The following SWAP70 variants were observed in gnomAD, a reference collection of about 807,000 sequenced individuals.
The protein encoded by SWAP70 is switch-associated protein 70.
A neutral mutation model predicts 80.2 loss-of-function variants in SWAP70; 34 were observed. That is an observed-to-expected ratio of 0.42 (90% CI 0.32 to 0.56). The LOEUF (loss-of-function observed/expected upper bound fraction) is 0.56, where lower values mean the gene tolerates loss of function less well. SWAP70 is among the 20% of genes least tolerant of loss of function. The pLI, the probability that SWAP70 is intolerant of heterozygous loss-of-function variation, is 0.09. For synonymous variants in SWAP70, 239 were observed against 238.5 expected (o/e 1.00, Z -0.02); for missense variants, 578 against 690.7 (o/e 0.84, Z 1.83).
intron 2 of SWAP70, among the ~76,000 whole-genome samples, chr11:9,701,871 G>A (rs891727965): frequency 6.6e-6 from 1 of 152,118 alleles, no homozygotes; most frequent in Non-Finnish European, 1.5e-5. Context: ...TTTAATGGCT[G>A]ATTAGGCTTG....
intron 9 of SWAP70, chr11:9,741,444 G>T (rs1851436718): frequency 6.6e-6 from 1 of 152,112 alleles, no homozygotes; most frequent in African/African-American, 2.4e-5. Context: ...AGTGCCACTC[G>T]GCAGTGATTT....
intron 1 of SWAP70, among the ~76,000 whole-genome samples, chr11:9,670,714 A>T (rs572937271): frequency 1.3e-5 from 2 of 152,070 alleles, no homozygotes; most frequent in African/African-American, 2.4e-5. Flanking sequence ...ACATGGTCTC[A>T]TACCTTTGAG....
At chr11:9,707,415 T>A in intron 2 of SWAP70, among the ~76,000 whole-genome samples, 1 of 133,302 alleles carries the variant, frequency 7.5e-6, no homozygotes, top group South Asian at 2.3e-4. Flanking sequence ...CATGCTGTAT[T>A]TGTCTTTTTT....
chr11:9,715,103 T>C (rs558206744), intron 3 of SWAP70, among the ~76,000 whole-genome samples: 4 of 151,196 alleles, frequency 2.6e-5, no homozygotes, highest in Non-Finnish European at 5.9e-5. Flanking sequence ...GCCTACTGAG[T>C]AGCTGGGACT....
chr11:9,726,763 T>C, intron 4 of SWAP70: 1 of 399,282 alleles, frequency 2.5e-6, no homozygotes, highest in Non-Finnish European at 5.0e-6. Flanking sequence ...CCTATAATAA[T>C]GTATAATTTT....
chr11:9,707,590 C>T (rs532569764), intron 2 of SWAP70, among the ~76,000 whole-genome samples: 15 of 144,100 alleles, frequency 1.0e-4, no homozygotes, highest in Non-Finnish European at 2.1e-4. Context: ...GAGTCTCACC[C>T]TGTCGCTCAG....
intron 3 of SWAP70, among the ~76,000 whole-genome samples, chr11:9,721,640 T>C (rs1344617199): frequency 6.6e-6 from 1 of 151,958 alleles, no homozygotes; most frequent in Non-Finnish European, 1.5e-5. Flanking sequence ...CCTGGCTAAC[T>C]TTTTAATTTT....
chr11:9,719,517 C>A (rs971400408), intron 3 of SWAP70, among the ~76,000 whole-genome samples: 19 of 150,698 alleles, frequency 1.3e-4, no homozygotes, highest in Non-Finnish European at 1.3e-4. Context: ...CACTGGGCAA[C>A]AAAGCGAGAC....
At chr11:9,671,428 A>T (rs1224296304) in intron 1 of SWAP70, among the ~76,000 whole-genome samples, 10 of 100,412 alleles carry the variant, frequency 1.0e-4, no homozygotes, top group Admixed American at 4.3e-4. Context: ...ATAAATATAT[A>T]TATAAATATA....
intron 7 of SWAP70, among the ~76,000 whole-genome samples, chr11:9,737,762 GGT>G (rs1426549730): frequency 1.3e-5 from 2 of 152,220 alleles, no homozygotes; most frequent in Admixed American, 6.5e-5. Flanking sequence ...TGGATGTGGT[GGT>G]GTGTGCCTGT....
chr11:9,671,675 A>AATATATAAATATATTTCTATGTATAC (rs1565109747), intron 1 of SWAP70, among the ~76,000 whole-genome samples: 1 of 10,366 alleles, frequency 9.6e-5, no homozygotes, highest in Non-Finnish European at 1.8e-4. Flanking sequence ...AATATATATA[A>AATATATAAATATATTTCTATGTATAC]ATAGAAATAT....
At chr11:9,711,112 A>C (rs1227168212) in intron 2 of SWAP70, among the ~76,000 whole-genome samples, 1 of 150,984 alleles carries the variant, frequency 6.6e-6, no homozygotes, top group Non-Finnish European at 1.5e-5. Flanking sequence ...AATAGAAATG[A>C]GGTCTTGCTA....
At chr11:9,714,606 A>C (rs1458458195) in intron 3 of SWAP70, among the ~76,000 whole-genome samples, 1 of 152,164 alleles carries the variant, frequency 6.6e-6, no homozygotes, top group African/African-American at 2.4e-5. Flanking sequence ...GTACCAAGGC[A>C]TTAAAGGGTG....
chr11:9,740,113 G>T (rs1851416333), intron 8 of SWAP70, 68 bp from the exon 9 acceptor site: 8 of 1,495,460 alleles, frequency 5.3e-6, no homozygotes, highest in Non-Finnish European at 9.1e-7. Flanking sequence ...AACCCCTCAG[G>T]TGGAGGTGAG....
At chr11:9,694,341 TGG>T in intron 2 of SWAP70, 55 bp downstream of exon 2, 1 of 1,526,474 alleles carries the variant, frequency 6.6e-7, no homozygotes, top group East Asian at 2.4e-5. Flanking sequence ...ATGTTTCAAG[TGG>T]GCCCAAAAGC....
intron 2 of SWAP70, 51 bp downstream of exon 2, chr11:9,694,337 C>G: frequency 6.6e-7 from 1 of 1,526,674 alleles, no homozygotes; most frequent in East Asian, 2.4e-5. Flanking sequence ...TTGCATGTTT[C>G]AAGTGGGCCC....
intron 3 of SWAP70, among the ~76,000 whole-genome samples, chr11:9,714,600 C>CA (rs986397743): frequency 6.6e-6 from 1 of 151,988 alleles, no homozygotes; most frequent in African/African-American, 2.4e-5. Flanking sequence ...AAGGCTGTAC[C>CA]AAGGCATTAA....
intron 6 of SWAP70, among the ~76,000 whole-genome samples, 170 bp from the exon 7 acceptor site, chr11:9,732,359 G>A (rs1211369448): frequency 6.6e-6 from 1 of 152,232 alleles, no homozygotes; most frequent in East Asian, 1.9e-4. Context: ...AAAACCAAGA[G>A]GTTATGTGAC....
chr11:9,738,370 C>A lies in SWAP70; in HGVS notation c.1188+50C>A. 5 of 1,446,286 alleles carry A rather than the reference C, an allele frequency of 3.5e-6. No homozygotes were observed. The South Asian group carries it at 4.0e-5, about 11-fold the overall frequency. The allele number at this position is 1,446,286 out of a possible 1,614,324, so 89.6% of individuals were successfully genotyped here. ...GCAGCTGCAGTAGCTCAGCCTGGGT[C>A]GGTGGGAACAGGGAAGGGCTGGAGG... is the stretch of plus-strand genomic sequence containing the variant. On this transcript the variant is annotated intron_variant, in intron 8 of 11. Transcript: ENST00000318950.
Sources: allele counts gnomAD v4.1 joint callset (sites outside exome capture counted in the v4.1 genomes callset), GRCh38; gene constraint gnomAD v4.1.1; transcripts MANE v1.5; gene names NCBI Gene and HGNC (gene_info 2026-07-23, HGNC 2026-07-21).